TBC1D22B: variants seen among roughly 807,000 people sequenced by gnomAD.
The protein encoded by TBC1D22B is TBC1 domain family member 22B.
Under a neutral mutation model 69.1 loss-of-function variants are expected in TBC1D22B, and 32 were observed. That is an observed-to-expected ratio of 0.46 (90% confidence interval 0.35 to 0.62). The LOEUF (loss-of-function observed/expected upper bound fraction) is 0.62. TBC1D22B is among the 20% of genes least tolerant of loss of function. The pLI is 0.00. For missense variants in TBC1D22B, 462 were observed against 630.9 expected (o/e 0.73, Z 2.87); for synonymous variants, 206 against 229.8 (o/e 0.90, Z 0.94).
chr6:37,330,268 C>T (rs1349876556), intron 12 of TBC1D22B, among the ~76,000 whole-genome samples: 2 of 106,442 alleles, frequency 1.9e-5, no homozygotes, highest in Non-Finnish European at 3.5e-5. Flanking sequence ...GAGACAGAGT[C>T]TCACTCAGTC....
chr6:37,326,107 C>T (rs543499431), intron 12 of TBC1D22B, among the ~76,000 whole-genome samples: 3 of 151,928 alleles, frequency 2.0e-5, no homozygotes, highest in Admixed American at 6.6e-5. Flanking sequence ...CTCGGCTGGG[C>T]GCGGTGGCTC....
At chr6:37,307,295 TA>T (rs2113773723) in intron 8 of TBC1D22B, among the ~76,000 whole-genome samples, 1 of 152,278 alleles carries the variant, frequency 6.6e-6, no homozygotes, top group South Asian at 2.1e-4. Flanking sequence ...TGGTCAAAAA[TA>T]TTTTTTTATT....
At chr6:37,288,472 A>G (rs1382103546) in intron 7 of TBC1D22B, among the ~76,000 whole-genome samples, 1 of 152,218 alleles carries the variant, frequency 6.6e-6, no homozygotes, top group African/African-American at 2.4e-5. Flanking sequence ...GCACTTTGGG[A>G]GGCCAAGGCC....
chr6:37,331,138 T>C lies in TBC1D22B; in HGVS notation c.1484T>C (p.Met495Thr). The change falls in exon 13 of 13, where the codon ATG (methionine) becomes ACG (threonine). Residue 495 changes from methionine to threonine, a missense_variant. Physicochemically the swap from Met to Thr is moderately conservative, Grantham distance 81 (BLOSUM62 -1). Coordinates refer to ENST00000373491, the MANE Select transcript of TBC1D22B (RefSeq NM_017772.4). ...GCCGAGGCATACAGACTCAAGTACA[T>C]GTTTGCCGATGCCCCAAATCACTAC... ...LLAEAYRLKYMFADAPNHYRR is the reference protein window; with the variant it reads ...LLAEAYRLKYTFADAPNHYRR 6.2e-7 allele frequency: 1 copy of C among 1,614,132 alleles called. No homozygotes were observed. The highest frequency in any genetic ancestry group is 8.5e-7 in the Non-Finnish European group (1 of 1,180,018).
At chr6:37,259,960 T>G (rs961496358) in intron 1 of TBC1D22B, among the ~76,000 whole-genome samples, 10 of 152,206 alleles carry the variant, frequency 6.6e-5, no homozygotes, top group Non-Finnish European at 1.3e-4. Context: ...AAGTAAACAT[T>G]TAAAATAATG....
At chr6:37,291,201 C>T (rs756152721) in intron 7 of TBC1D22B, 42 bp from the exon 8 acceptor site, 4 of 1,354,954 alleles carry the variant, frequency 3.0e-6, no homozygotes, top group Non-Finnish European at 4.2e-6. Context: ...AGTGTGTGTC[C>T]CCGTGATTTA....
chr6:37,287,572 A>G (rs983206758), intron 7 of TBC1D22B, among the ~76,000 whole-genome samples: 1 of 152,080 alleles, frequency 6.6e-6, no homozygotes, highest in African/African-American at 2.4e-5. Context: ...CCTCCATTCT[A>G]TTTGTCTCTA....
At chr6:37,315,817 C>T (rs1003342961) in intron 10 of TBC1D22B, among the ~76,000 whole-genome samples, 2 of 152,134 alleles carry the variant, frequency 1.3e-5, no homozygotes, top group Non-Finnish European at 2.9e-5. Context: ...CTCAACACTC[C>T]GCCCACCTCG....
intron 8 of TBC1D22B, among the ~76,000 whole-genome samples, chr6:37,298,606 C>T (rs1052056831): frequency 2.7e-4 from 36 of 131,632 alleles, no homozygotes; most frequent in African/African-American, 6.2e-4. Flanking sequence ...AGTGCAGTGG[C>T]GCGATCTCGG....
At chr6:37,325,527 A>G (rs1236916436) in intron 12 of TBC1D22B, among the ~76,000 whole-genome samples, 2 of 143,044 alleles carry the variant, frequency 1.4e-5, no homozygotes, top group East Asian at 2.0e-4. Flanking sequence ...CCCAGCCATA[A>G]TTATCGTTTC....
rs1768626373 is a variant in TBC1D22B at position 37,332,960 on chromosome 6, T to A, written c.*1788T>A. ...AAAGAATTGTAAATAAATGGTGTAT[T>A]TCCTCCTCCATCTGCTGGTTTTTCT... On this transcript the variant is annotated 3_prime_UTR_variant, in exon 13 of 13. Transcript: ENST00000373491. 1 of 152,240 alleles carries A rather than the reference T, an allele frequency of 6.6e-6. No individual in the cohort carries two copies. The highest frequency in any genetic ancestry group is 2.1e-4 in the South Asian group (1 of 4,826). 9.4% of individuals were successfully genotyped at this position (152,240 alleles called of 1,614,324 possible). A position where few individuals can be genotyped will look rare whatever the true frequency, so the allele number is the denominator to read the frequency against.
chr6:37,306,394 C>T (rs1356605075), intron 8 of TBC1D22B, among the ~76,000 whole-genome samples: 1 of 152,156 alleles, frequency 6.6e-6, no homozygotes, highest in Non-Finnish European at 1.5e-5. Flanking sequence ...CAGTGGGGAC[C>T]CTGAGCCTCC....
chr6:37,298,539 GTTTTTTTTTTTT>G (rs34996865), intron 8 of TBC1D22B, among the ~76,000 whole-genome samples: 1 of 71,218 alleles, frequency 1.4e-5, no homozygotes, highest in Non-Finnish European at 2.4e-5. Context: ...GTTGCCTACA[GTTTTTTTTTTTT>G]TTTTTTTTTT....
chr6:37,312,932 A>G lies in TBC1D22B; in HGVS notation c.997A>G (p.Asn333Asp). 1 of 1,613,980 alleles carries G rather than the reference A, an allele frequency of 6.2e-7. No individual in the cohort carries two copies. Among genetic ancestry groups the G allele is most frequent in the Non-Finnish European group, 8.5e-7 (1 of 1,179,890 alleles). The change falls in exon 9 of 13, where the codon AAC becomes GAC. Residue 333 changes from asparagine to aspartate, a missense_variant. This residue lies in a region of TBC1D22B where 225 missense variants were observed against 375.4 expected (regional missense o/e 0.60). Transcript: ENST00000373491. ...LSEYVEEDVE[N>D]FDVTNLSQDM... ...TTGTTTTACAGAAGAGGATGTGGAG[A>G]ACTTTGACGTGACCAACTTGTCTCA... is the stretch of plus-strand genomic sequence containing the variant.
At chr6:37,321,197 A>G (rs961269328) in intron 12 of TBC1D22B, among the ~76,000 whole-genome samples, 1 of 93,642 alleles carries the variant, frequency 1.1e-5, no homozygotes, top group African/African-American at 3.7e-5. Flanking sequence ...CTGTCATAGC[A>G]AGATTTTTTT....
At chr6:37,328,000 G>C (rs915217872) in intron 12 of TBC1D22B, among the ~76,000 whole-genome samples, 11 of 152,064 alleles carry the variant, frequency 7.2e-5, no homozygotes, top group Non-Finnish European at 1.6e-4. Flanking sequence ...TTTTCTGGTT[G>C]AATGTTAAAG....
intron 12 of TBC1D22B, among the ~76,000 whole-genome samples, chr6:37,320,998 A>G (rs541975146): frequency 6.6e-6 from 1 of 152,358 alleles, no homozygotes; most frequent in Non-Finnish European, 1.5e-5. Flanking sequence ...GTTGAATCAT[A>G]TGCAGTTGTT....
chr6:37,310,141 T>TATATCTATATAGATATCTATATAG (rs1767858012), intron 8 of TBC1D22B, among the ~76,000 whole-genome samples: 1 of 146,946 alleles, frequency 6.8e-6, no homozygotes, highest in South Asian at 2.1e-4. Context: ...TATATGTAAG[T>TATATCTATATAGATATCTATATAG]ATATCTATAT....
intron 12 of TBC1D22B, among the ~76,000 whole-genome samples, chr6:37,323,260 G>T (rs1160200573): frequency 6.6e-6 from 1 of 152,192 alleles, no homozygotes; most frequent in Non-Finnish European, 1.5e-5. Context: ...AGTCGCAGTG[G>T]CTCATGCCTG....
Sources: gnomAD v4.1 joint callset for allele counts (sites outside exome capture counted in the v4.1 genomes callset) on GRCh38, gnomAD v4.1.1 for gene constraint, gnomAD v4.1.1 regional missense constraint, MANE v1.5 for transcripts, NCBI Gene and HGNC (gene_info 2026-07-23, HGNC 2026-07-21) for gene names.